VPS13A: variants seen among roughly 807,000 people sequenced by gnomAD.
VPS13A encodes the protein intermembrane lipid transfer protein VPS13A.
A neutral mutation model predicts 390.9 loss-of-function variants in VPS13A; 264 were observed. That is an observed-to-expected ratio of 0.68 (90% CI 0.61 to 0.75). The LOEUF (loss-of-function observed/expected upper bound fraction) is 0.75. VPS13A is among the 30% of genes least tolerant of loss of function. The pLI, the probability that VPS13A is intolerant of heterozygous loss-of-function variation, is 0.00. For synonymous variants in VPS13A, 1,231 were observed against 1,227.1 expected, an observed-to-expected ratio of 1.00 and a Z score of -0.07; for missense variants, 3,409 against 3,733.9, an observed-to-expected ratio of 0.91 and a Z score of 2.27.
At chr9:77,351,794 G>C (rs140856263) in intron 53 of VPS13A, among the ~76,000 whole-genome samples, 1 of 152,044 alleles carries the variant, frequency 6.6e-6, no homozygotes, top group Non-Finnish European at 1.5e-5. Flanking sequence ...GCTTGAACCC[G>C]GGAGGCAGCG....
chr9:77,345,041 C>A lies in VPS13A; in HGVS notation c.7188C>A (p.Ala2396=). ...GTATTATAGCAGAAGTGAATTTGGC[C>A]GAGCATTCTACAGTTATTACATTTT... ...LGGIIAEVNL[A]EHSTVITFLD... is the part of the protein sequence containing the mutation. The change falls in exon 52 of 72, where the codon GCC becomes GCA. Residue 2396 remains alanine, a synonymous_variant. Coordinates refer to ENST00000360280, the MANE Select transcript of VPS13A (RefSeq NM_033305.3). 1 of 1,612,690 alleles carries A rather than the reference C, an allele frequency of 6.2e-7. No homozygotes were observed. Among genetic ancestry groups the A allele is most frequent in the Non-Finnish European group, 8.5e-7 (1 of 1,179,836 alleles).
Position 77,314,681 on chromosome 9 carries a change from T to C in VPS13A, c.4412+17T>C, listed in dbSNP as rs1450902950. On this transcript the variant is annotated intron_variant, in intron 37 of 71. Transcript: ENST00000360280. ...AACTCCTCGGTATGTATTGTAATGA[T>C]GTTCTAAGGTTTTACTTGAGAAATC... 1 of 1,607,134 alleles carries C rather than the reference T, an allele frequency of 6.2e-7. No individual in the cohort carries two copies. The highest frequency in any genetic ancestry group is 8.5e-7 in the Non-Finnish European group (1 of 1,174,558).
At chr9:77,399,181 T>TAAAAAAAAAAAAAAAAAAAAAAAA (rs1223344360) in intron 68 of VPS13A, among the ~76,000 whole-genome samples, 27 of 34,914 alleles carry the variant, frequency 7.7e-4, no homozygotes, top group Admixed American at 1.0e-3. Context: ...AAAAAAAAAA[T>TAAAAAAAAAAAAAAAAAAAAAAAA]AAAAAAAAAA....
At chr9:77,359,260 GTGTATAT>G (rs1831995840) in intron 57 of VPS13A, 66 bp from the exon 58 acceptor site, 2 of 1,190,358 alleles carry the variant, frequency 1.7e-6, no homozygotes, top group South Asian at 2.5e-5. Flanking sequence ...TTCCATTGTG[GTGTATAT>G]TGGAAGAAAA....
At chr9:77,188,062 T>A (rs1389690353) in intron 1 of VPS13A, among the ~76,000 whole-genome samples, 1 of 152,146 alleles carries the variant, frequency 6.6e-6, no homozygotes, top group Non-Finnish European at 1.5e-5. Flanking sequence ...TTGCAATAGT[T>A]CTTGCAAGAT....
At chr9:77,403,751 C>T (rs546904724) in intron 69 of VPS13A, among the ~76,000 whole-genome samples, 1 of 152,094 alleles carries the variant, frequency 6.6e-6, no homozygotes, top group South Asian at 2.1e-4. Context: ...GATACTCCAG[C>T]GACTTCTTCA....
chr9:77,409,178 G>A (rs1038194006), intron 71 of VPS13A, among the ~76,000 whole-genome samples: 7 of 152,190 alleles, frequency 4.6e-5, no homozygotes, highest in South Asian at 2.1e-4. Context: ...TGATACCCAC[G>A]CAAACAGGTC....
At chr9:77,209,640 A>C (rs1335350423) in intron 6 of VPS13A, 108 bp downstream of exon 6, 1 of 724,302 alleles carries the variant, frequency 1.4e-6, no homozygotes, top group Non-Finnish European at 2.4e-6. Flanking sequence ...CCAAAAGGTT[A>C]CAGAGCTAAA....
intron 68 of VPS13A, among the ~76,000 whole-genome samples, chr9:77,397,840 TTC>T (rs1445448773): frequency 1.3e-5 from 2 of 152,232 alleles, no homozygotes; most frequent in East Asian, 3.8e-4. Flanking sequence ...GTGTTTCTGT[TTC>T]TTTTAGTAAT....
rs775032683 is a variant in VPS13A at position 77,314,071 on chromosome 9, C to A, written c.4194C>A (p.Phe1398Leu). 3 of 1,613,136 alleles carry A rather than the reference C, an allele frequency of 1.9e-6. No individual in the cohort carries two copies. The change falls in exon 36 of 72, where the codon TTC becomes TTA. Residue 1398 changes from phenylalanine (F) to leucine (L), a missense_variant. Coordinates refer to ENST00000360280, the MANE Select transcript of VPS13A (RefSeq NM_033305.3). The part of the protein sequence containing the change: ...LLVKTTLNIS[F>L]KTDDLTMVLY... ...TTAAGACAACACTAAACATAAGCTT[C>A]AAAACTGATGATCTCACCATGGTGC...
chr9:77,304,017 G>C (rs565624386), intron 34 of VPS13A, among the ~76,000 whole-genome samples: 1 of 152,200 alleles, frequency 6.6e-6, no homozygotes, highest in African/African-American at 2.4e-5. Flanking sequence ...GTGTCGGACT[G>C]GGGGACGGTC....
At chr9:77,392,815 T>TAAA (rs34466446) in intron 68 of VPS13A, among the ~76,000 whole-genome samples, 2,618 of 140,336 alleles carry the variant, frequency 0.019, 43 homozygotes, top group African/African-American at 0.033. Flanking sequence ...ACATAATTGC[T>TAAA]AAAAAAAAAA....
chr9:77,276,095 G>T lies in VPS13A; in HGVS notation c.2698G>T (p.Asp900Tyr), dbSNP rs373130569. The change falls in exon 26 of 72, where the codon GAT becomes TAT. Residue 900 changes from aspartate (D) to tyrosine (Y), a missense_variant. Coordinates refer to ENST00000360280, the MANE Select transcript of VPS13A (RefSeq NM_033305.3). ...VLIEFYHLVG[D>Y]CELSVVEILV... ...GATCGAGTTTTATCACCTTGTTGGA[G>T]ATTGTGAACTATCTGTGGTAGAAAT... The T allele has an allele frequency of 3.1e-6, 5 of 1,612,846 alleles. No individual in the cohort carries two copies. Among genetic ancestry groups the T allele is most frequent in the Admixed American group, 1.7e-5 (1 of 59,990 alleles).
rs535565434 is a variant in VPS13A, at chr9:77,187,021, G to A, written c.100+9217G>A. 2.3e-4 allele frequency among the ~76,000 whole-genome samples: 35 copies of A among 152,306 alleles called. 1 individual carries two copies. Among genetic ancestry groups the A allele is most frequent in the Admixed American group, 1.1e-3 (17 of 15,300 alleles). The stretch of plus-strand genomic sequence containing the variant: ...ATTGGTTTCTTTTACTTGGCATAAT[G>A]TCCTCAAGGTGCATCCGTGTTGTAG... On this transcript the variant is annotated intron_variant, in intron 1 of 71. Transcript: ENST00000360280.
intron 45 of VPS13A, among the ~76,000 whole-genome samples, chr9:77,325,601 G>C (rs7029172): frequency 6.7e-6 from 1 of 150,062 alleles, no homozygotes. Flanking sequence ...TTTTGTTATG[G>C]ATTCATTTTA....
chr9:77,392,905 T>C (rs1024703967), intron 68 of VPS13A, among the ~76,000 whole-genome samples: 1 of 151,790 alleles, frequency 6.6e-6, no homozygotes, highest in African/African-American at 2.4e-5. Context: ...CTGATTAGGA[T>C]AGGGATTGCT....
At chr9:77,221,691 G>A (rs1319113999) in intron 13 of VPS13A, among the ~76,000 whole-genome samples, 1 of 152,088 alleles carries the variant, frequency 6.6e-6, no homozygotes, top group Non-Finnish European at 1.5e-5. Context: ...AGCCTTTTAT[G>A]TGTCACCACT....
intron 67 of VPS13A, among the ~76,000 whole-genome samples, chr9:77,376,656 T>G (rs1248625022): frequency 1.3e-5 from 2 of 152,190 alleles, no homozygotes; most frequent in African/African-American, 4.8e-5. Context: ...TCCTTTTGAA[T>G]ATATTAAGCT....
rs373395187 is a variant in VPS13A at position 77,314,010 on chromosome 9, C to T, written c.4133C>T (p.Ala1378Val). The part of the protein sequence containing the change: ...HHSGGATVVT[A>V]AVVEVHSRAL... ...TTTCAAGGAGCAACTGTGGTGACAG[C>T]TGCTGTGGTAGAAGTACATTCACGT... The change falls in exon 36 of 72, where the codon GCT (alanine) becomes GTT (valine). Residue 1378 changes from alanine (A) to valine (V), a missense_variant. By Grantham distance (64) the Ala-to-Val change is moderately conservative (BLOSUM62 0). Around this residue, in one of 5 missense-constraint regions of VPS13A, gnomAD observed 2,717 missense variants for 2,917.4 expected, o/e 0.93. Transcript: ENST00000360280. 3 of 1,612,946 alleles carry T rather than the reference C, an allele frequency of 1.9e-6. No individual in the cohort carries two copies. Among genetic ancestry groups the T allele is most frequent in the South Asian group, 2.2e-5 (2 of 90,980 alleles).
Sources: allele counts gnomAD v4.1 joint callset (sites outside exome capture counted in the v4.1 genomes callset), GRCh38; gene constraint gnomAD v4.1.1; regional missense constraint gnomAD v4.1.1; transcripts MANE v1.5; gene names NCBI Gene and HGNC (gene_info 2026-07-23, HGNC 2026-07-21).